The following ZDHHC2 variants were observed in gnomAD, a reference collection of about 807,000 sequenced individuals.
ZDHHC2 encodes the protein zDHHC palmitoyltransferase 2.
Under a neutral mutation model 55.6 loss-of-function variants are expected in ZDHHC2, and 51 were observed. That is an observed-to-expected ratio of 0.92 (90% CI 0.73 to 1.16). The LOEUF (loss-of-function observed/expected upper bound fraction) is 1.16, where lower values mean the gene tolerates loss of function less well. ZDHHC2 is among the 50% of genes most tolerant of loss of function. ZDHHC2 has a pLI of 0.00. For missense variants in ZDHHC2, 491 were observed against 442.4 expected (o/e 1.11, Z -0.99); for synonymous variants, 199 against 152.9 (o/e 1.30, Z -2.22).
intron 1 of ZDHHC2, among the ~76,000 whole-genome samples, chr8:17,169,474 G>C (rs1365625007): frequency 1.3e-5 from 2 of 152,174 alleles, no homozygotes; most frequent in African/African-American, 2.4e-5. Flanking sequence ...CCAGAGCACA[G>C]AAATGACAGA....
chr8:17,167,846 CA>C (rs1359884408), intron 1 of ZDHHC2, among the ~76,000 whole-genome samples: 1 of 149,000 alleles, frequency 6.7e-6, no homozygotes, highest in Non-Finnish European at 1.5e-5. Context: ...AAAATAATCA[CA>C]AAAAAATGAG....
At chr8:17,182,651 T>TAAC (rs1805492083) in intron 1 of ZDHHC2, among the ~76,000 whole-genome samples, 1 of 125,704 alleles carries the variant, frequency 8.0e-6, no homozygotes, top group Non-Finnish European at 1.7e-5. Flanking sequence ...TGAATGGCAA[T>TAAC]AATAATAATA....
chr8:17,190,617 T>C (rs1805975104), intron 3 of ZDHHC2, among the ~76,000 whole-genome samples: 1 of 152,122 alleles, frequency 6.6e-6, no homozygotes, highest in East Asian at 1.9e-4. Context: ...CCGCACTAAA[T>C]TATATTTTGA....
chr8:17,176,929 A>T (rs1805163945), intron 1 of ZDHHC2, among the ~76,000 whole-genome samples: 1 of 152,182 alleles, frequency 6.6e-6, no homozygotes, highest in Admixed American at 6.5e-5. Context: ...TAGGAAGAAA[A>T]GGGTACCATT....
chr8:17,207,622 TAATA>T (rs1161101013), intron 7 of ZDHHC2, among the ~76,000 whole-genome samples: 2 of 152,314 alleles, frequency 1.3e-5, no homozygotes, highest in East Asian at 3.9e-4. Flanking sequence ...CATACTCCGT[TAATA>T]AATTTAAAAC....
intron 1 of ZDHHC2, among the ~76,000 whole-genome samples, chr8:17,176,621 C>T (rs1199214778): frequency 6.6e-6 from 1 of 152,070 alleles, no homozygotes; most frequent in Non-Finnish European, 1.5e-5. Flanking sequence ...GGCTGGAGTC[C>T]AGGTCTCCTA....
intron 1 of ZDHHC2, among the ~76,000 whole-genome samples, chr8:17,171,319 A>G (rs1199496823): frequency 2.0e-5 from 3 of 152,324 alleles, no homozygotes; most frequent in Non-Finnish European, 4.4e-5. Flanking sequence ...AATTTGAGAC[A>G]GGGATTATAG....
intron 1 of ZDHHC2, among the ~76,000 whole-genome samples, chr8:17,172,543 A>G (rs973809945): frequency 1.3e-5 from 2 of 152,208 alleles, no homozygotes; most frequent in Non-Finnish European, 2.9e-5. Flanking sequence ...ACCATACGGT[A>G]TTATGCACTT....
At chr8:17,178,247 A>G (rs978328025) in intron 1 of ZDHHC2, among the ~76,000 whole-genome samples, 2 of 152,196 alleles carry the variant, frequency 1.3e-5, no homozygotes, top group African/African-American at 4.8e-5. Flanking sequence ...ACCAAAGCCA[A>G]TTTTTAAATA....
At chr8:17,193,810 C>T (rs1484444237) in intron 3 of ZDHHC2, among the ~76,000 whole-genome samples, 1 of 152,040 alleles carries the variant, frequency 6.6e-6, no homozygotes, top group African/African-American at 2.4e-5. Flanking sequence ...GGGTACATGT[C>T]CAGAACGTGG....
In ZDHHC2 at chr8:17,205,688, G is replaced by A; in HGVS notation, c.510G>A (p.Lys170=). 6.2e-7 allele frequency: 1 copy of A among 1,607,194 alleles called. No individual in the cohort carries two copies. The highest frequency in any genetic ancestry group is 8.5e-7 in the Non-Finnish European group (1 of 1,177,906). ...VNNCVGFSNY[K]FFLLFLAYSL... ...ATTGTGTTGGATTTTCAAATTATAA[G>A]TTCTTTCTCCTTTTCTTGGCTTATT... The change falls in exon 7 of 13, where the codon AAG becomes AAA. Residue 170 remains lysine, a synonymous_variant. Coordinates refer to ENST00000262096, the MANE Select transcript of ZDHHC2 (RefSeq NM_016353.5).
Position 17,220,395 on chromosome 8 carries a change from T to G in ZDHHC2, c.*174T>G, listed in dbSNP as rs1807868669. On this transcript the variant is annotated 3_prime_UTR_variant, in exon 13 of 13. Transcript: ENST00000262096. The stretch of plus-strand genomic sequence containing the variant: ...AGCCATTGCTTAAAATATAACATGT[T>G]TTGGATCCAATACACACATTGTTAC... The G allele has an allele frequency of 6.7e-6, 1 of 149,944 alleles. No individual in the cohort carries two copies. Among genetic ancestry groups the G allele is most frequent in the South Asian group, 2.1e-4 (1 of 4,772 alleles). 9.3% of individuals were successfully genotyped at this position (149,944 alleles called of 1,614,324 possible). A position where few individuals can be genotyped will look rare whatever the true frequency, so the allele number is the denominator to read the frequency against.
At chr8:17,172,341 C>A (rs1455405122) in intron 1 of ZDHHC2, among the ~76,000 whole-genome samples, 1 of 152,178 alleles carries the variant, frequency 6.6e-6, no homozygotes, top group African/African-American at 2.4e-5. Flanking sequence ...GTGGCGTTTT[C>A]TCTAACTCGC....
intron 1 of ZDHHC2, among the ~76,000 whole-genome samples, chr8:17,178,116 A>C (rs1805241058): frequency 6.6e-6 from 1 of 152,144 alleles, no homozygotes; most frequent in Non-Finnish European, 1.5e-5. Context: ...AAGTATCTGA[A>C]AGCTTGAATT....
chr8:17,184,512 A>C (rs1484287419), intron 1 of ZDHHC2, among the ~76,000 whole-genome samples: 1 of 152,236 alleles, frequency 6.6e-6, no homozygotes, highest in Non-Finnish European at 1.5e-5. Flanking sequence ...TACAGAAATA[A>C]GACCCGCAAG....
chr8:17,212,552 T>A (rs886630449), intron 10 of ZDHHC2, among the ~76,000 whole-genome samples: 1 of 152,190 alleles, frequency 6.6e-6, no homozygotes, highest in Non-Finnish European at 1.5e-5. Flanking sequence ...CTGAATACTT[T>A]CTAACCACCT....
Position 17,224,373 on chromosome 8 carries a change from A to G in ZDHHC2, c.*4152A>G, listed in dbSNP as rs1219018369. 1 of 151,760 alleles carries G rather than the reference A, an allele frequency of 6.6e-6. No homozygotes were observed. Among genetic ancestry groups the G allele is most frequent in the African/African-American group, 2.4e-5 (1 of 41,410 alleles). The allele number at this position is 151,760 out of a possible 1,614,324, so 9.4% of individuals were successfully genotyped here. On this transcript the variant is annotated 3_prime_UTR_variant, in exon 13 of 13. Coordinates refer to ENST00000262096, the MANE Select transcript of ZDHHC2 (RefSeq NM_016353.5). ...AATCATCTGAGTGATTTGAGTAGCA[A>G]TTAAACCAAAGGGAAACTTTTAATA...
At chr8:17,202,032 T>G (rs1806808725) in intron 6 of ZDHHC2, among the ~76,000 whole-genome samples, 2 of 152,188 alleles carry the variant, frequency 1.3e-5, no homozygotes, top group Admixed American at 6.5e-5. Context: ...TCAAAGTATT[T>G]TTTTCCTTTA....
At chr8:17,212,441 C>G (rs1807432098) in intron 10 of ZDHHC2, among the ~76,000 whole-genome samples, 1 of 152,156 alleles carries the variant, frequency 6.6e-6, no homozygotes, top group Non-Finnish European at 1.5e-5. Context: ...CGTGTTCATG[C>G]TAGAAACTGT....
Sources: gnomAD v4.1 joint callset for allele counts (sites outside exome capture counted in the v4.1 genomes callset) on GRCh38, gnomAD v4.1.1 for gene constraint, MANE v1.5 for transcripts, NCBI Gene and HGNC (gene_info 2026-07-23, HGNC 2026-07-21) for gene names.